The following RIMS1 variants were observed in gnomAD, a reference collection of about 807,000 sequenced individuals.
RIMS1 encodes the protein regulating synaptic membrane exocytosis 1, also known as regulating synaptic membrane exocytosis protein 1.
In RIMS1, 83 loss-of-function variants were observed where a neutral mutation model predicts 214.1. The observed-to-expected ratio is 0.39, with a 90% confidence interval of 0.32 to 0.47. The LOEUF (loss-of-function observed/expected upper bound fraction) is 0.47, where lower values mean the gene tolerates loss of function less well. Ranked by LOEUF, RIMS1 falls within the 20% of genes least tolerant of loss-of-function variation. The pLI is 0.99. For synonymous variants in RIMS1, 793 were observed against 786.8 expected, an observed-to-expected ratio of 1.01 and a Z score of -0.13; for missense variants, 2,050 against 2,161.8, an observed-to-expected ratio of 0.95 and a Z score of 1.03.
intron 1 of RIMS1, among the ~76,000 whole-genome samples, chr6:71,954,838 ACTC>A (rs1790686922): frequency 1.4e-5 from 2 of 146,804 alleles, no homozygotes; most frequent in South Asian, 4.3e-4. Flanking sequence ...TCACAATACC[ACTC>A]CTCAGCACAC....
intron 26 of RIMS1, among the ~76,000 whole-genome samples, chr6:72,306,648 A>T (rs2095196888): frequency 6.6e-6 from 1 of 152,208 alleles, no homozygotes; most frequent in Non-Finnish European, 1.5e-5. Context: ...AATTTCATTT[A>T]TGTGGTCCGG....
intron 6 of RIMS1, among the ~76,000 whole-genome samples, chr6:72,203,035 C>T (rs770960078): frequency 4.6e-5 from 7 of 151,984 alleles, no homozygotes; most frequent in African/African-American, 9.7e-5. Context: ...GTCGCCAGGC[C>T]GGAGTGTGGT....
intron 9 of RIMS1, among the ~76,000 whole-genome samples, chr6:72,239,877 G>A (rs929615734): frequency 1.3e-5 from 2 of 152,078 alleles, no homozygotes; most frequent in African/African-American, 2.4e-5. Context: ...TGTGGTCAAT[G>A]CCTCTTGTCT....
At chr6:72,380,086 T>C (rs1238891128) in intron 29 of RIMS1, among the ~76,000 whole-genome samples, 1 of 152,246 alleles carries the variant, frequency 6.6e-6, no homozygotes, top group Admixed American at 6.5e-5. Flanking sequence ...GATGAGTTCA[T>C]GTCCTTTGTA....
intron 27 of RIMS1, 53 bp downstream of exon 27, chr6:72,307,423 G>A: frequency 8.6e-7 from 1 of 1,168,848 alleles, no homozygotes; most frequent in Non-Finnish European, 1.2e-6. Context: ...TGTGTAGTGT[G>A]TGTACCAGGC....
At position 72,112,829 on chromosome 6, in the gene RIMS1, T is replaced by C. The variant is rs139249805; in HGVS notation, c.471+12843T>C. ...ATCTACCTCTTTCTTTTCTCATTGC[T>C]AGCTCTGTAGAAAAGGGGGACTTTA... On this transcript the variant is annotated intron_variant, in intron 4 of 33. Coordinates refer to ENST00000521978, the MANE Select transcript of RIMS1 (RefSeq NM_014989.7). 1.8e-3 allele frequency among the ~76,000 whole-genome samples: 269 copies of C among 152,316 alleles called. 1 individual carries two copies. The highest frequency in any genetic ancestry group is 3.4e-3 in the Middle Eastern group (1 of 294).
intron 26 of RIMS1, among the ~76,000 whole-genome samples, chr6:72,293,880 G>GAAT (rs144863782): frequency 0.015 from 2,261 of 151,790 alleles, 18 homozygotes; most frequent in Non-Finnish European, 0.017. Flanking sequence ...GGGAAGAAGG[G>GAAT]AATGACTACA....
chr6:72,174,953 A>C (rs888278330), intron 4 of RIMS1, among the ~76,000 whole-genome samples: 2 of 152,148 alleles, frequency 1.3e-5, no homozygotes, highest in African/African-American at 2.4e-5. Flanking sequence ...ACATACCCAC[A>C]TACACCCACC....
intron 6 of RIMS1, among the ~76,000 whole-genome samples, chr6:72,225,276 TC>T (rs2059850524): frequency 6.6e-6 from 1 of 152,174 alleles, no homozygotes; most frequent in Non-Finnish European, 1.5e-5. Flanking sequence ...GAAGTATCAG[TC>T]CCACATAATT....
intron 2 of RIMS1, among the ~76,000 whole-genome samples, chr6:72,020,831 C>T (rs545156086): frequency 1.3e-4 from 20 of 152,262 alleles, no homozygotes; most frequent in African/African-American, 4.6e-4. Flanking sequence ...CAGACTCCAA[C>T]AAGGAATCTG....
chr6:72,162,036 G>T (rs751472089), intron 4 of RIMS1, among the ~76,000 whole-genome samples: 1 of 140,398 alleles, frequency 7.1e-6, no homozygotes, highest in Non-Finnish European at 1.6e-5. Context: ...CTCTTTGTAG[G>T]TGTCTAAGGA....
chr6:72,224,327 T>G (rs1271920545), intron 6 of RIMS1, among the ~76,000 whole-genome samples: 1 of 152,216 alleles, frequency 6.6e-6, no homozygotes, highest in African/African-American at 2.4e-5. Context: ...TGTTAAACAT[T>G]TCAAAAATTT....
intron 28 of RIMS1, among the ~76,000 whole-genome samples, chr6:72,329,021 GAAACA>G (rs531122241): frequency 6.6e-5 from 10 of 151,496 alleles, no homozygotes; most frequent in African/African-American, 1.7e-4. Context: ...GAACCAGAAA[GAAACA>G]AAACAAAACA....
chr6:72,400,656 G>A lies in RIMS1; in HGVS notation c.5021G>A (p.Arg1674Gln), dbSNP rs374255650. 31 of 1,613,684 alleles carry A rather than the reference G, an allele frequency of 1.9e-5. No individual in the cohort carries two copies. The highest frequency in any genetic ancestry group is 2.4e-5 in the Non-Finnish European group (28 of 1,179,832). ...GATCCCACACTCACTCCCCTCACCC[G>A]GCGGGCTTCCCAGTCATCTCTGGAA... The part of the protein sequence containing the change: ...LVDPTLTPLT[R>Q]RASQSSLESS... The change falls in exon 34 of 34, where the codon CGG (arginine) becomes CAG (glutamine). Residue 1674 changes from arginine (R) to glutamine (Q), a missense_variant. Arg to Gln is a conservative substitution (Grantham distance 43). This residue lies in a region of RIMS1 where 33 missense variants were observed against 40.9 expected (regional missense o/e 0.81). Transcript: ENST00000521978.
At chr6:72,270,497 CCTTCTA>C (rs2082527924) in intron 22 of RIMS1, among the ~76,000 whole-genome samples, 1 of 152,106 alleles carries the variant, frequency 6.6e-6, no homozygotes, top group Non-Finnish European at 1.5e-5. Context: ...TTAAAAAACA[CCTTCTA>C]CTTTTCACTT....
intron 29 of RIMS1, among the ~76,000 whole-genome samples, chr6:72,349,595 A>G (rs893608092): frequency 6.6e-6 from 1 of 151,978 alleles, no homozygotes; most frequent in African/African-American, 2.4e-5. Flanking sequence ...GTCTACCTGC[A>G]TTATGGAAAC....
intron 2 of RIMS1, among the ~76,000 whole-genome samples, chr6:72,070,323 TATTATTA>T (rs1830304927): frequency 6.6e-6 from 1 of 152,170 alleles, no homozygotes; most frequent in South Asian, 2.1e-4. Context: ...TCATATGAAA[TATTATTA>T]CATTGATGAA....
chr6:72,261,978 A>C (rs1265653405), intron 19 of RIMS1: 1 of 984,434 alleles, frequency 1.0e-6, no homozygotes, highest in Non-Finnish European at 1.2e-6. Context: ...TTCTTAAAAT[A>C]ATGGTTTATT....
intron 2 of RIMS1, among the ~76,000 whole-genome samples, chr6:72,023,460 C>T (rs1354854874): frequency 6.6e-6 from 1 of 151,952 alleles, no homozygotes; most frequent in East Asian, 1.9e-4. Flanking sequence ...CTAAAATTCA[C>T]TCTCAAGAAA....
Sources: gnomAD v4.1 joint callset for allele counts (sites outside exome capture counted in the v4.1 genomes callset) on GRCh38, gnomAD v4.1.1 for gene constraint, gnomAD v4.1.1 regional missense constraint, MANE v1.5 for transcripts, NCBI Gene and HGNC (gene_info 2026-07-23, HGNC 2026-07-21) for gene names.